The following GALNTL5 variants were observed in gnomAD, a reference collection of about 807,000 sequenced individuals.
The protein encoded by GALNTL5 is polypeptide N-acetylgalactosaminyltransferase like 5.
GALNTL5 carries 44 observed loss-of-function variants against 51.0 expected under a neutral mutation model. The ratio of observed to expected loss-of-function variants is 0.86; its 90% CI spans 0.68 to 1.11. The LOEUF (loss-of-function observed/expected upper bound fraction) is 1.11. Among genes scored for constraint, GALNTL5 ranks in the 50% least tolerant of loss-of-function variants. The probability of loss-of-function intolerance (pLI) is 0.00; values close to 1 mark genes in which losing one functional copy is unlikely to be tolerated. For missense variants in GALNTL5, 528 were observed against 531.8 expected, an observed-to-expected ratio of 0.99 and a Z score of 0.07; for synonymous variants, 192 against 182.8, an observed-to-expected ratio of 1.05 and a Z score of -0.41.
intron 5 of GALNTL5, among the ~76,000 whole-genome samples, chr7:151,989,750 C>CT (rs1301698801): frequency 6.6e-6 from 1 of 152,176 alleles, no homozygotes; most frequent in African/African-American, 2.4e-5. Flanking sequence ...TATGGCCCGT[C>CT]TTTTTAATGT....
intron 3 of GALNTL5, among the ~76,000 whole-genome samples, chr7:151,978,250 C>T (rs2151944099): frequency 6.6e-6 from 1 of 152,160 alleles, no homozygotes; most frequent in African/African-American, 2.4e-5. Flanking sequence ...TTTTTAACTT[C>T]CTCTGATCCA....
intron 6 of GALNTL5, among the ~76,000 whole-genome samples, chr7:152,005,361 C>G (rs2081630401): frequency 6.6e-6 from 1 of 152,164 alleles, no homozygotes; most frequent in South Asian, 2.1e-4. Context: ...CTGCCCTTTT[C>G]TAAGGGCAGA....
chr7:152,008,920 G>A (rs1453277182), intron 7 of GALNTL5, among the ~76,000 whole-genome samples: 1 of 152,128 alleles, frequency 6.6e-6, no homozygotes, highest in Non-Finnish European at 1.5e-5. Context: ...TCTAATAACT[G>A]TGATCAGTTT....
At chr7:151,968,290 T>A (rs983002928) in intron 2 of GALNTL5, among the ~76,000 whole-genome samples, 2 of 151,926 alleles carry the variant, frequency 1.3e-5, no homozygotes, top group Admixed American at 6.6e-5. Context: ...CAGAGTGAGA[T>A]GCTGCCTCAA....
intron 5 of GALNTL5, among the ~76,000 whole-genome samples, chr7:151,987,854 G>T (rs1294652336): frequency 6.6e-6 from 1 of 152,208 alleles, no homozygotes; most frequent in African/African-American, 2.4e-5. Flanking sequence ...GCTAGGGGGA[G>T]CCCCATTGCA....
Position 152,019,840 on chromosome 7 carries a change from G to T in GALNTL5, c.*39G>T. 7 of 1,543,974 alleles carry T rather than the reference G, an allele frequency of 4.5e-6. No homozygotes were observed. Among genetic ancestry groups the T allele is most frequent in the Non-Finnish European group, 6.2e-6 (7 of 1,128,864 alleles). On this transcript the variant is annotated 3_prime_UTR_variant, in exon 9 of 9. Coordinates refer to ENST00000392800, the MANE Select transcript of GALNTL5 (RefSeq NM_145292.4). ...CACTTTCATTAATAAAGGGTTAAAA[G>T]TCTCCTAGTCATTCAACATAGTGTC...
At chr7:152,008,047 A>G (rs1436157712) in intron 7 of GALNTL5, 103 bp downstream of exon 7, 9 of 698,030 alleles carry the variant, frequency 1.3e-5, no homozygotes, top group Non-Finnish European at 2.0e-5. Flanking sequence ...ATGAACATCC[A>G]GTACCATTCC....
At chr7:152,009,602 C>T (rs192339257) in intron 7 of GALNTL5, among the ~76,000 whole-genome samples, 28 of 152,284 alleles carry the variant, frequency 1.8e-4, no homozygotes, top group African/African-American at 6.7e-4. Context: ...CATCCAGGTC[C>T]TCTGCTCCTG....
At chr7:151,966,569 A>G (rs1409300431) in intron 1 of GALNTL5, among the ~76,000 whole-genome samples, 1 of 152,316 alleles carries the variant, frequency 6.6e-6, no homozygotes, top group Admixed American at 6.5e-5. Context: ...ACACCCGGCC[A>G]GTGTCTAGTT....
At chr7:151,980,752 T>C (rs2081269207) in intron 3 of GALNTL5, among the ~76,000 whole-genome samples, 1 of 122,514 alleles carries the variant, frequency 8.2e-6, no homozygotes. Context: ...TTTTTTTTTT[T>C]TTTTTTTTTT....
At chr7:152,003,526 G>A (rs1563022164) in intron 6 of GALNTL5, among the ~76,000 whole-genome samples, 1 of 152,180 alleles carries the variant, frequency 6.6e-6, no homozygotes. Context: ...GGATCGTTGA[G>A]GGGATTAAAT....
At chr7:152,013,639 T>C (rs757018329) in intron 7 of GALNTL5, among the ~76,000 whole-genome samples, 3 of 152,202 alleles carry the variant, frequency 2.0e-5, no homozygotes, top group Non-Finnish European at 2.9e-5. Context: ...ATTTATATCA[T>C]AAGCACGTTC....
chr7:151,969,237 AC>A (rs1342044276), intron 2 of GALNTL5, among the ~76,000 whole-genome samples: 5 of 152,120 alleles, frequency 3.3e-5, no homozygotes, highest in Non-Finnish European at 5.9e-5. Flanking sequence ...CATCTGAGAA[AC>A]CTTTGCTTAC....
At chr7:151,993,643 CAGGA>C (rs2081456048) in intron 5 of GALNTL5, among the ~76,000 whole-genome samples, 2 of 152,100 alleles carry the variant, frequency 1.3e-5, no homozygotes, top group African/African-American at 4.8e-5. Context: ...CTTTCTGAGA[CAGGA>C]TCTCTCTCTG....
intron 7 of GALNTL5, among the ~76,000 whole-genome samples, chr7:152,008,406 A>T (rs1040785036): frequency 5.9e-5 from 9 of 151,768 alleles, no homozygotes; most frequent in African/African-American, 2.2e-4. Context: ...AAATATATTT[A>T]ATTTAATTTA....
At chr7:151,999,341 T>C (rs1393589471) in intron 5 of GALNTL5, among the ~76,000 whole-genome samples, 4 of 152,200 alleles carry the variant, frequency 2.6e-5, no homozygotes, top group East Asian at 3.8e-4. Flanking sequence ...TGCACATATA[T>C]ACATTTGTTT....
intron 3 of GALNTL5, among the ~76,000 whole-genome samples, chr7:151,979,204 G>C (rs1231100932): frequency 6.7e-6 from 1 of 148,512 alleles, no homozygotes; most frequent in South Asian, 2.1e-4. Context: ...CCACCTCCCG[G>C]GTTCACGCCA....
intron 5 of GALNTL5, among the ~76,000 whole-genome samples, chr7:151,990,802 G>C (rs1430217551): frequency 6.6e-6 from 1 of 151,858 alleles, no homozygotes; most frequent in Non-Finnish European, 1.5e-5. Context: ...AGTGACTTTG[G>C]AGGCTCTGGG....
intron 3 of GALNTL5, among the ~76,000 whole-genome samples, chr7:151,981,043 C>T (rs1409334496): frequency 1.3e-5 from 2 of 152,120 alleles, no homozygotes; most frequent in East Asian, 3.9e-4. Flanking sequence ...CCGCGCCCGG[C>T]CACAATGATT....
Sources: allele counts gnomAD v4.1 joint callset (sites outside exome capture counted in the v4.1 genomes callset), GRCh38; gene constraint gnomAD v4.1.1; transcripts MANE v1.5; gene names NCBI Gene and HGNC (gene_info 2026-07-23, HGNC 2026-07-21).